Variants in MYO1B observed in about 807,000 individuals in gnomAD.
The protein encoded by MYO1B is myosin IB.
A neutral mutation model predicts 159.7 loss-of-function variants in MYO1B; 72 were observed. The ratio of observed to expected loss-of-function variants is 0.45; its 90% confidence interval spans 0.37 to 0.55. The LOEUF is 0.55. MYO1B is among the 20% of genes least tolerant of loss of function. The pLI is 0.00. For missense variants in MYO1B, 1,062 were observed against 1,364.8 expected (o/e 0.78, Z 3.50); for synonymous variants, 468 against 473.8 (o/e 0.99, Z 0.16).
chr2:191,361,165 T>C (rs1336256125), intron 8 of MYO1B, among the ~76,000 whole-genome samples: 1 of 152,192 alleles, frequency 6.6e-6, no homozygotes, highest in African/African-American at 2.4e-5. Flanking sequence ...TTTCAGCAGC[T>C]AGAACTGCCT....
intron 3 of MYO1B, among the ~76,000 whole-genome samples, chr2:191,327,959 TGAG>T (rs1480832969): frequency 1.3e-5 from 2 of 152,198 alleles, no homozygotes; most frequent in African/African-American, 4.8e-5. Context: ...TGGCTATCCT[TGAG>T]GATCTCACAG....
intron 1 of MYO1B, among the ~76,000 whole-genome samples, chr2:191,247,294 A>G (rs893674831): frequency 3.3e-5 from 5 of 152,178 alleles, no homozygotes; most frequent in African/African-American, 1.2e-4. Flanking sequence ...GTCCGCCATT[A>G]AACCACCCCT....
intron 2 of MYO1B, among the ~76,000 whole-genome samples, chr2:191,282,758 G>T (rs1381273562): frequency 6.6e-6 from 1 of 152,194 alleles, no homozygotes; most frequent in Non-Finnish European, 1.5e-5. Flanking sequence ...AACAGAGTTT[G>T]CATGGAACAA....
Position 191,409,096 on chromosome 2 carries a change from T to C in MYO1B, c.2684T>C (p.Ile895Thr). 1.9e-6 allele frequency: 3 copies of C among 1,613,340 alleles called. No individual in the cohort carries two copies. Among genetic ancestry groups the C allele is most frequent in the Non-Finnish European group, 2.5e-6 (3 of 1,179,798 alleles). The stretch of plus-strand genomic sequence containing the variant: ...AATAAGATGCCTTCCTTATCTCCAA[T>C]AGACAAGAATTGGCCCTCAAGACCT... ...MKNKMPSLSP[I>T]DKNWPSRPYL... The change falls in exon 26 of 31, where the codon ATA becomes ACA. Residue 895 changes from isoleucine (I) to threonine (T), a missense_variant. Ile to Thr is a moderately conservative substitution (Grantham distance 89). Coordinates refer to ENST00000392318, the MANE Select transcript of MYO1B (RefSeq NM_001130158.3).
intron 1 of MYO1B, among the ~76,000 whole-genome samples, chr2:191,250,681 T>G (rs1320211398): frequency 6.6e-6 from 1 of 152,218 alleles, no homozygotes; most frequent in Non-Finnish European, 1.5e-5. Flanking sequence ...GCTGGGTACT[T>G]TCTGTAGGTT....
intron 2 of MYO1B, among the ~76,000 whole-genome samples, chr2:191,285,593 T>C (rs908435829): frequency 1.3e-5 from 2 of 152,168 alleles, no homozygotes; most frequent in South Asian, 2.1e-4. Flanking sequence ...AAATAAAATA[T>C]CAATGGGATC....
At chr2:191,259,231 G>A (rs548336559) in intron 1 of MYO1B, among the ~76,000 whole-genome samples, 97 of 152,306 alleles carry the variant, frequency 6.4e-4, no homozygotes, top group Middle Eastern at 3.4e-3. Flanking sequence ...ATCTCATGCC[G>A]TGGGCTGCAA....
intron 3 of MYO1B, among the ~76,000 whole-genome samples, chr2:191,314,874 C>T (rs1690244591): frequency 1.3e-5 from 2 of 152,162 alleles, no homozygotes; most frequent in Admixed American, 1.3e-4. Flanking sequence ...ATTAAGAGTT[C>T]CTATTTCCAT....
At chr2:191,336,711 C>T (rs1266604176) in intron 4 of MYO1B, among the ~76,000 whole-genome samples, 1 of 152,134 alleles carries the variant, frequency 6.6e-6, no homozygotes, top group East Asian at 1.9e-4. Context: ...CTCCAGACTG[C>T]TAAAAGGTGG....
At chr2:191,355,983 T>C (rs947321824) in intron 7 of MYO1B, among the ~76,000 whole-genome samples, 6 of 152,216 alleles carry the variant, frequency 3.9e-5, no homozygotes, top group Non-Finnish European at 8.8e-5. Context: ...TTAATCTGTG[T>C]GTGTGCTGCA....
At position 191,370,208 on chromosome 2, in the gene MYO1B, A is replaced by T; in HGVS notation, c.1120-19A>T. 1 of 1,599,070 alleles carries T rather than the reference A, an allele frequency of 6.3e-7. No homozygotes were observed. Among genetic ancestry groups the T allele is most frequent in the Non-Finnish European group, 8.6e-7 (1 of 1,167,584 alleles). On this transcript the variant is annotated intron_variant, in intron 12 of 30. Coordinates refer to ENST00000392318, the MANE Select transcript of MYO1B (RefSeq NM_001130158.3). ...TATTTCATGCCTTAATTAACCCTTT[A>T]ATTTGAAACTTTTTAAAGGCACAAA...
intron 13 of MYO1B, among the ~76,000 whole-genome samples, chr2:191,379,028 A>G (rs1423856329): frequency 6.6e-6 from 1 of 152,224 alleles, no homozygotes; most frequent in Non-Finnish European, 1.5e-5. Flanking sequence ...TTTATCCTGA[A>G]GAACCCTCCC....
intron 15 of MYO1B, 133 bp downstream of exon 15, chr2:191,383,475 C>CATATATATTTGTATATATATATATAT (rs1559220043): frequency 1.4e-4 from 1 of 6,962 alleles, no homozygotes; most frequent in Admixed American, 3.4e-3. Flanking sequence ...TATATATATA[C>CATATATATTTGTATATATATATATAT]ACACACACAT....
chr2:191,268,087 T>G (rs1193970679), intron 1 of MYO1B, among the ~76,000 whole-genome samples: 2 of 152,104 alleles, frequency 1.3e-5, no homozygotes, highest in Non-Finnish European at 2.9e-5. Context: ...ACAAACAAAC[T>G]CACAATTGTG....
rs1433259503 is a variant in MYO1B at position 191,341,554 on chromosome 2, C to T, written c.440C>T (p.Pro147Leu). 76 of 1,613,180 alleles carry T rather than the reference C, an allele frequency of 4.7e-5. No homozygotes were observed. The Admixed American group carries it at 1.2e-3, about 25-fold the overall frequency. ...AAAGAACAGCTTTTACAGTCCAACCCGGTCCTGGAAGGTAGGATGTGTTAT... is the reference window on the plus strand; with the variant it reads ...AAAGAACAGCTTTTACAGTCCAACCTGGTCCTGGAAGGTAGGATGTGTTAT... Reference protein sequence around the residue: ...QVKEQLLQSNPVLEAFGNAKT... With the variant: ...QVKEQLLQSNLVLEAFGNAKT... The change falls in exon 5 of 31, where the codon CCG becomes CTG. Residue 147 changes from proline (P) to leucine (L), a missense_variant. Around this residue, in one of 5 missense-constraint regions of MYO1B, gnomAD observed 415 missense variants for 544.0 expected, o/e 0.76. Coordinates refer to ENST00000392318, the MANE Select transcript of MYO1B (RefSeq NM_001130158.3).
Position 191,372,955 on chromosome 2 carries a change from C to T in MYO1B, c.1185+2663C>T, listed in dbSNP as rs1026757272. 3.9e-5 allele frequency among the ~76,000 whole-genome samples: 5 copies of T among 129,536 alleles called. No individual in the cohort carries two copies. The East Asian group carries it at 7.5e-4, about 19-fold the overall frequency. The allele number at this position is 129,536 out of a possible 152,430, so 85.0% of individuals were successfully genotyped here. On this transcript the variant is annotated intron_variant, in intron 13 of 30. Transcript: ENST00000392318. ...AGGCTGGAGTGCAGTGGTGCGATCT[C>T]GGCTCACTACAACCTCTGCCTCCAG...
At chr2:191,299,879 A>T (rs1191399788) in intron 3 of MYO1B, among the ~76,000 whole-genome samples, 1 of 152,250 alleles carries the variant, frequency 6.6e-6, no homozygotes, top group African/African-American at 2.4e-5. Context: ...AATACGTATA[A>T]GGTGCTTAGC....
intron 1 of MYO1B, among the ~76,000 whole-genome samples, chr2:191,269,255 T>A (rs1190986598): frequency 2.0e-5 from 3 of 152,226 alleles, no homozygotes; most frequent in African/African-American, 7.2e-5. Context: ...ATCGTATATT[T>A]CTACTCTTGG....
chr2:191,257,602 G>A (rs1686533850), intron 1 of MYO1B, among the ~76,000 whole-genome samples: 1 of 152,184 alleles, frequency 6.6e-6, no homozygotes, highest in Admixed American at 6.5e-5. Context: ...TGTGGGTGGA[G>A]AAATGGACTT....
Sources: allele counts gnomAD v4.1 joint callset (sites outside exome capture counted in the v4.1 genomes callset), GRCh38; gene constraint gnomAD v4.1.1; regional missense constraint gnomAD v4.1.1; transcripts MANE v1.5; gene names NCBI Gene and HGNC (gene_info 2026-07-23, HGNC 2026-07-21).